Variants in PTPRN2 observed in about 807,000 individuals in gnomAD.
PTPRN2 encodes receptor-type tyrosine-protein phosphatase N2.
PTPRN2 carries 74 observed loss-of-function variants against 118.8 expected under a neutral mutation model. That is an observed-to-expected ratio of 0.62 (90% CI 0.52 to 0.76). PTPRN2 has a LOEUF of 0.76. PTPRN2 is among the 30% of genes least tolerant of loss of function. The pLI is 0.00. For synonymous variants in PTPRN2, 641 were observed against 608.0 expected (o/e 1.05, Z -0.80); for missense variants, 1,481 against 1,394.4 (o/e 1.06, Z -0.99).
intron 11 of PTPRN2, among the ~76,000 whole-genome samples, chr7:158,077,130 G>A (rs756354893): frequency 3.9e-5 from 6 of 152,228 alleles, no homozygotes; most frequent in African/African-American, 9.6e-5. Flanking sequence ...AACGCAGAAC[G>A]CTGCGGGCTA....
In PTPRN2 at chr7:157,974,418, G is replaced by C. The variant is rs1802578762; in HGVS notation, c.1724-75681C>G. Among the ~76,000 whole-genome samples, 1 of 152,184 alleles carries C rather than the reference G, an allele frequency of 6.6e-6. No homozygotes were observed. The highest frequency in any genetic ancestry group is 1.5e-5 in the Non-Finnish European group (1 of 68,034). On this transcript the variant is annotated intron_variant, in intron 11 of 22. Coordinates refer to ENST00000389418, the MANE Select transcript of PTPRN2 (RefSeq NM_002847.5). This position sits in a 1 kb window ranked among gnomAD's most constrained non-coding sequence, Gnocchi z 4.0. ...TTCCCTGTGGCACCTTGGGAGCATG[G>C]GGCTGCCCTACTGTGGAGTTAGTGG...
At position 157,861,567 on chromosome 7, in the gene PTPRN2, C is replaced by T. The variant is rs796794964; in HGVS notation, c.1788+37106G>A. 6.6e-6 allele frequency among the ~76,000 whole-genome samples: 1 copy of T among 152,208 alleles called. No homozygotes were observed. Among genetic ancestry groups the T allele is most frequent in the South Asian group, 2.1e-4 (1 of 4,826 alleles). On this transcript the variant is annotated intron_variant, in intron 12 of 22. Coordinates refer to ENST00000389418, the MANE Select transcript of PTPRN2 (RefSeq NM_002847.5). This position sits in a 1 kb window ranked among gnomAD's most constrained non-coding sequence, Gnocchi z 5.8. ...CAGACACGCTCCCTGTACTCAAAGC[C>T]GAGCTGTGTGAGGCTTTTGGGGCTG...
intron 12 of PTPRN2, among the ~76,000 whole-genome samples, chr7:157,700,060 T>C (rs1338777819): frequency 6.6e-6 from 1 of 152,214 alleles, no homozygotes; most frequent in Non-Finnish European, 1.5e-5. Context: ...TCGACCTTGC[T>C]CAGTCATTTC....
intron 3 of PTPRN2, among the ~76,000 whole-genome samples, chr7:158,272,196 A>T (rs912115467): frequency 1.2e-4 from 19 of 152,248 alleles, no homozygotes; most frequent in African/African-American, 4.6e-4. Context: ...ATCTCAAGCC[A>T]AGTGGAACTG....
intron 13 of PTPRN2, among the ~76,000 whole-genome samples, 171 bp from the exon 14 acceptor site, chr7:157,656,722 C>T (rs1200752092): frequency 1.3e-5 from 2 of 152,042 alleles, no homozygotes; most frequent in Non-Finnish European, 2.9e-5. Context: ...TCAACGCACC[C>T]CAAAGCACGC....
intron 2 of PTPRN2, among the ~76,000 whole-genome samples, chr7:158,350,686 G>A (rs986204644): frequency 4.5e-4 from 69 of 152,212 alleles, no homozygotes; most frequent in Middle Eastern, 6.8e-3. Flanking sequence ...GAGAGCCCCT[G>A]CCTCCTGCCG....
rs115190365 is a variant in PTPRN2, at chr7:158,164,094, G to A, written c.910+2837C>T. On this transcript the variant is annotated intron_variant, in intron 6 of 22. Transcript: ENST00000389418. Reference sequence around the variant, plus strand: ...TGTAACTCGTAGGGATCACGGGAGAGTGGAGAGAGCACGGTCAGGACGCTT... The same window carrying A: ...TGTAACTCGTAGGGATCACGGGAGAATGGAGAGAGCACGGTCAGGACGCTT... Among the ~76,000 whole-genome samples the A allele has an allele frequency of 7.8e-3, 1,189 of 152,340 alleles. 20 individuals carry two copies. The highest frequency in any genetic ancestry group is 0.027 in the African/African-American group (1,108 of 41,572).
chr7:157,796,535 G>A (rs1357329856), intron 12 of PTPRN2, among the ~76,000 whole-genome samples: 3 of 152,184 alleles, frequency 2.0e-5, no homozygotes, highest in Admixed American at 2.0e-4. Flanking sequence ...TTAAAAATCT[G>A]GTTGGAGAGA....
At chr7:158,190,048 C>CT (rs1163036401) in intron 5 of PTPRN2, among the ~76,000 whole-genome samples, 25 of 152,362 alleles carry the variant, frequency 1.6e-4, no homozygotes, top group African/African-American at 6.0e-4. Context: ...CTCCACTGAG[C>CT]CTGGTTCAGA....
chr7:158,163,327 A>C (rs938198653), intron 6 of PTPRN2, among the ~76,000 whole-genome samples: 4 of 149,982 alleles, frequency 2.7e-5, no homozygotes, highest in Non-Finnish European at 4.5e-5. Flanking sequence ...CGGGGTTCTC[A>C]ATTCTCTCTA....
At chr7:157,711,508 C>T (rs1798617981) in intron 12 of PTPRN2, among the ~76,000 whole-genome samples, 1 of 152,222 alleles carries the variant, frequency 6.6e-6, no homozygotes, top group African/African-American at 2.4e-5. Context: ...CGGGGGAGTC[C>T]TGGCCCTTCA....
Position 157,704,025 on chromosome 7 carries a change from G to A in PTPRN2, c.1789-21088C>T, listed in dbSNP as rs1364129172. Among the ~76,000 whole-genome samples, 9 of 152,148 alleles carry A rather than the reference G, an allele frequency of 5.9e-5. No individual in the cohort carries two copies. The South Asian group carries it at 6.2e-4, about 11-fold the overall frequency. The stretch of plus-strand genomic sequence containing the variant: ...GCTGCAGCTCCGGGTGCCATCCTCC[G>A]CGGGGTGAGGTGCCACCAGGAATCC... On this transcript the variant is annotated intron_variant, in intron 12 of 22. Transcript: ENST00000389418.
intron 3 of PTPRN2, among the ~76,000 whole-genome samples, chr7:158,273,400 G>GGGAGGAGCCGCAGACGCA (rs1798646613): frequency 7.0e-6 from 1 of 143,882 alleles, no homozygotes; most frequent in African/African-American, 2.7e-5. Flanking sequence ...ATGCAGACAC[G>GGGAGGAGCCGCAGACGCA]GGAGGAGCCG....
At chr7:157,666,134 TAAAAA>T (rs57919844) in intron 13 of PTPRN2, among the ~76,000 whole-genome samples, 2 of 143,710 alleles carry the variant, frequency 1.4e-5, no homozygotes, top group Non-Finnish European at 3.1e-5. Flanking sequence ...AAAGTATAAT[TAAAAA>T]AAAAAAAAGA....
intron 2 of PTPRN2, among the ~76,000 whole-genome samples, chr7:158,474,725 G>A (rs1820120257): frequency 6.6e-6 from 1 of 152,054 alleles, no homozygotes; most frequent in African/African-American, 2.4e-5. Context: ...GCCCATCTGA[G>A]AGGGACCCTC....
chr7:158,000,233 C>T (rs1805110843), intron 11 of PTPRN2, among the ~76,000 whole-genome samples: 1 of 152,164 alleles, frequency 6.6e-6, no homozygotes, highest in Non-Finnish European at 1.5e-5. Context: ...AATAAAACTT[C>T]TCTTTTGCCA....
At chr7:158,248,165 C>T (rs117544156) in intron 3 of PTPRN2, among the ~76,000 whole-genome samples, 2,886 of 152,294 alleles carry the variant, frequency 0.019, 40 homozygotes, top group Non-Finnish European at 0.031. Flanking sequence ...TAAGGCCAGG[C>T]GGGTCATGCT....
At chr7:157,932,792 C>T (rs558061108) in intron 11 of PTPRN2, among the ~76,000 whole-genome samples, 7 of 140,336 alleles carry the variant, frequency 5.0e-5, no homozygotes, top group South Asian at 2.4e-4. Context: ...TGAGTCACTC[C>T]GATGGACAGC....
At chr7:157,770,620 T>C (rs1802743994) in intron 12 of PTPRN2, among the ~76,000 whole-genome samples, 3 of 152,222 alleles carry the variant, frequency 2.0e-5, no homozygotes, top group South Asian at 4.1e-4. Context: ...GGGGAGCTTA[T>C]TTTGCCCAAT....
Sources: gnomAD v4.1 joint callset for allele counts (sites outside exome capture counted in the v4.1 genomes callset) on GRCh38, gnomAD v4.1.1 for gene constraint, Gnocchi (gnomAD v3.1) non-coding constraint, MANE v1.5 for transcripts, NCBI Gene and HGNC (gene_info 2026-07-23, HGNC 2026-07-21) for gene names.